The following CDIN1 variants were observed in gnomAD, a reference collection of about 807,000 sequenced individuals.
CDIN1 encodes CDAN1-interacting nuclease 1.
In CDIN1, 33 loss-of-function variants were observed where a neutral mutation model predicts 45.3. That is an observed-to-expected ratio of 0.73 (90% CI 0.55 to 0.97). The LOEUF is 0.97. Ranked by LOEUF, CDIN1 falls within the 50% of genes least tolerant of loss-of-function variation. The probability of loss-of-function intolerance (pLI) is 0.00; values close to 1 mark genes in which losing one functional copy is unlikely to be tolerated. For missense variants in CDIN1, 303 were observed against 339.4 expected (o/e 0.89, Z 0.84); for synonymous variants, 118 against 124.4 (o/e 0.95, Z 0.34).
chr15:36,800,478 G>A (rs76046822), intron 10 of CDIN1, among the ~76,000 whole-genome samples: 13,493 of 152,118 alleles, frequency 0.089, 670 homozygotes, highest in South Asian at 0.13. Context: ...ACAGGCATAA[G>A]TATACACATA....
Position 36,808,964 on chromosome 15 carries a change from C to T in CDIN1, c.*511C>T, listed in dbSNP as rs889680928. 13 of 455,798 alleles carry T rather than the reference C, an allele frequency of 2.9e-5. No individual in the cohort carries two copies. The highest frequency in any genetic ancestry group is 2.2e-4 in the African/African-American group (11 of 50,012). The allele number at this position is 455,798 out of a possible 1,614,324, so 28.2% of individuals were successfully genotyped here. On this transcript the variant is annotated 3_prime_UTR_variant, in exon 11 of 11. Coordinates refer to ENST00000566621, the MANE Select transcript of CDIN1 (RefSeq NM_001321759.2). ...AGCGCAAACCTAGGAAAGCTGAAGC[C>T]ACAAAGTCCAAAGCCACCTTTGTAC...
intron 10 of CDIN1, among the ~76,000 whole-genome samples, chr15:36,756,275 TGTTTTTGTTTTC>T (rs2053606945): frequency 6.6e-6 from 1 of 152,226 alleles, no homozygotes; most frequent in Non-Finnish European, 1.5e-5. Flanking sequence ...TTTTTGTTTT[TGTTTTTGTTTTC>T]AAATCATATA....
At chr15:36,760,053 T>A (rs1032389154) in intron 10 of CDIN1, among the ~76,000 whole-genome samples, 1 of 152,194 alleles carries the variant, frequency 6.6e-6, no homozygotes, top group Admixed American at 6.5e-5. Flanking sequence ...CTTATGTGTT[T>A]TTTACCTCAG....
At chr15:36,681,653 G>T (rs2041855707) in intron 5 of CDIN1, among the ~76,000 whole-genome samples, 1 of 152,078 alleles carries the variant, frequency 6.6e-6, no homozygotes, top group Non-Finnish European at 1.5e-5. Context: ...AGTAATCAGA[G>T]ATAAAAAGAC....
intron 1 of CDIN1, among the ~76,000 whole-genome samples, chr15:36,631,297 A>C (rs1267807013): frequency 6.6e-6 from 1 of 152,226 alleles, no homozygotes; most frequent in Non-Finnish European, 1.5e-5. Flanking sequence ...ACTCTTTAAA[A>C]ATATACAGTT....
intron 10 of CDIN1, among the ~76,000 whole-genome samples, chr15:36,789,239 T>C (rs2054584161): frequency 6.6e-6 from 1 of 152,218 alleles, no homozygotes; most frequent in South Asian, 2.1e-4. Flanking sequence ...GGGTAATTTA[T>C]GTACATTTGT....
intron 5 of CDIN1, among the ~76,000 whole-genome samples, chr15:36,690,794 C>T (rs549973248): frequency 6.6e-6 from 1 of 152,156 alleles, no homozygotes; most frequent in Non-Finnish European, 1.5e-5. Context: ...TAATCGATAC[C>T]TAGGCAACAC....
intron 10 of CDIN1, among the ~76,000 whole-genome samples, chr15:36,762,560 C>T (rs8041737): frequency 0.037 from 5,675 of 151,816 alleles, 357 homozygotes; most frequent in African/African-American, 0.13. Context: ...TAGTTACATA[C>T]GTATACATGT....
At chr15:36,617,645 A>G (rs2038957043) in intron 1 of CDIN1, 2 of 767,328 alleles carry the variant, frequency 2.6e-6, no homozygotes, top group Non-Finnish European at 4.8e-6. Context: ...GTACAAATTG[A>G]TGAGAAGGGT....
chr15:36,625,192 A>T (rs1019268546), intron 1 of CDIN1, among the ~76,000 whole-genome samples: 1 of 151,992 alleles, frequency 6.6e-6, no homozygotes, highest in South Asian at 2.1e-4. Flanking sequence ...GAGGCAGGAG[A>T]ATGGTGTGAA....
chr15:36,800,899 GTGTGTGTGTGTATATA>G (rs1214699863), intron 10 of CDIN1, among the ~76,000 whole-genome samples: 3 of 25,820 alleles, frequency 1.2e-4, no homozygotes, highest in African/African-American at 3.5e-4. Context: ...GTGTGTGTGT[GTGTGTGTGTGTATATA>G]TATATATATA....
chr15:36,625,560 C>G (rs879445274), intron 1 of CDIN1, among the ~76,000 whole-genome samples: 6 of 152,128 alleles, frequency 3.9e-5, no homozygotes, highest in Non-Finnish European at 8.8e-5. Flanking sequence ...AAATTCGACA[C>G]CTTGGAGTAA....
chr15:36,608,534 G>T (rs1478392241), intron 1 of CDIN1, among the ~76,000 whole-genome samples: 1 of 152,006 alleles, frequency 6.6e-6, no homozygotes, highest in East Asian at 1.9e-4. Flanking sequence ...TTATTATTGA[G>T]CTGTAAGAGT....
At chr15:36,682,200 C>G (rs1267340696) in intron 5 of CDIN1, among the ~76,000 whole-genome samples, 1 of 151,828 alleles carries the variant, frequency 6.6e-6, no homozygotes, top group Non-Finnish European at 1.5e-5. Context: ...CAGGCTAAAG[C>G]CCTGAGAATG....
At chr15:36,619,320 C>A in intron 1 of CDIN1, 1 of 701,974 alleles carries the variant, frequency 1.4e-6, no homozygotes. Context: ...TAAACTTGAG[C>A]TGTAGCTATA....
chr15:36,788,302 GAC>G lies in CDIN1; in HGVS notation c.717-20020_717-20019del, dbSNP rs544591381. ...TGGCCAATTTTGTATTTTTAGTAGA[GAC>G]AGGGTTTCTACATGTTGGTCAGGCT... On this transcript the variant is annotated intron_variant, in intron 10 of 10. Transcript: ENST00000566621. 2.7e-3 allele frequency among the ~76,000 whole-genome samples: 414 copies of G among 151,274 alleles called. 3 individuals are homozygous for G. The highest frequency in any genetic ancestry group is 9.3e-3 in the African/African-American group (385 of 41,206).
At chr15:36,598,314 T>C (rs550507490) in intron 1 of CDIN1, among the ~76,000 whole-genome samples, 1 of 152,318 alleles carries the variant, frequency 6.6e-6, no homozygotes, top group South Asian at 2.1e-4. Flanking sequence ...TATTAGTTAT[T>C]AGTTATTGTC....
chr15:36,658,749 C>T (rs1167826353), intron 5 of CDIN1, among the ~76,000 whole-genome samples: 1 of 152,110 alleles, frequency 6.6e-6, no homozygotes, highest in African/African-American at 2.4e-5. Context: ...AAGATAATAC[C>T]TGCTAAAACA....
chr15:36,781,359 G>A (rs1251435791), intron 10 of CDIN1, among the ~76,000 whole-genome samples: 1 of 152,156 alleles, frequency 6.6e-6, no homozygotes, highest in Admixed American at 6.5e-5. Flanking sequence ...TGAGATTACG[G>A]CCTTTTCATT....
Sources: allele counts gnomAD v4.1 joint callset (sites outside exome capture counted in the v4.1 genomes callset), GRCh38; gene constraint gnomAD v4.1.1; transcripts MANE v1.5; gene names NCBI Gene and HGNC (gene_info 2026-07-23, HGNC 2026-07-21).